The following GTF2E2 variants were observed in gnomAD, a reference collection of about 807,000 sequenced individuals.
The protein encoded by GTF2E2 is transcription initiation factor IIE subunit beta.
GTF2E2 carries 21 observed loss-of-function variants against 40.5 expected under a neutral mutation model. That is an observed-to-expected ratio of 0.52 (90% CI 0.37 to 0.75). The LOEUF is 0.75. Among genes scored for constraint, GTF2E2 ranks in the 30% least tolerant of loss-of-function variants. The pLI, the probability that GTF2E2 is intolerant of heterozygous loss-of-function variation, is 0.00. For synonymous variants in GTF2E2, 117 were observed against 121.6 expected, an observed-to-expected ratio of 0.96 and a Z score of 0.25; for missense variants, 298 against 338.4, an observed-to-expected ratio of 0.88 and a Z score of 0.94.
At chr8:30,598,127 T>C (rs1402751334) in intron 6 of GTF2E2, among the ~76,000 whole-genome samples, 1 of 152,234 alleles carries the variant, frequency 6.6e-6, no homozygotes, top group African/African-American at 2.4e-5. Context: ...AACTGTGTAC[T>C]TCTCTTTGTA....
chr8:30,608,943 G>A (rs116976253), intron 5 of GTF2E2, among the ~76,000 whole-genome samples: 1 of 152,052 alleles, frequency 6.6e-6, no homozygotes, highest in African/African-American at 2.4e-5. Context: ...TAGAGACAGC[G>A]TTTCACCATG....
intron 5 of GTF2E2, among the ~76,000 whole-genome samples, chr8:30,608,451 C>T (rs1829384385): frequency 1.3e-5 from 2 of 152,150 alleles, no homozygotes; most frequent in Admixed American, 6.5e-5. Context: ...CAGAAGTTTG[C>T]TGTGTTAAAT....
chr8:30,633,368 A>T (rs1044597817), intron 3 of GTF2E2, among the ~76,000 whole-genome samples: 29 of 152,320 alleles, frequency 1.9e-4, no homozygotes, highest in African/African-American at 6.3e-4. Context: ...ACTTTTAAAT[A>T]ATGACATTTA....
rs917369748 is a variant in GTF2E2, at chr8:30,630,828, T to C, written c.258+4204A>G. 2.0e-5 allele frequency among the ~76,000 whole-genome samples: 3 copies of C among 152,302 alleles called. 1 individual carries two copies. Among genetic ancestry groups the C allele is most frequent in the Admixed American group, 2.0e-4 (3 of 15,288 alleles). On this transcript the variant is annotated intron_variant, in intron 3 of 7. Coordinates refer to ENST00000355904, the MANE Select transcript of GTF2E2 (RefSeq NM_002095.6). ...TATTTTTCAAAGAGTTTAAAATATT[T>C]TGGCCCCTGCTGGAACATTCTAATC...
intron 5 of GTF2E2, among the ~76,000 whole-genome samples, chr8:30,610,026 A>T (rs1829437527): frequency 6.6e-6 from 1 of 152,140 alleles, no homozygotes. Flanking sequence ...TTTCTTTATA[A>T]ATTATCCAGT....
At chr8:30,603,209 T>G (rs1463746723) in intron 6 of GTF2E2, among the ~76,000 whole-genome samples, 1 of 152,078 alleles carries the variant, frequency 6.6e-6, no homozygotes, top group African/African-American at 2.4e-5. Context: ...ATTAATAAAC[T>G]GTAACAAAAA....
chr8:30,614,110 C>G (rs1585965776), intron 4 of GTF2E2, among the ~76,000 whole-genome samples: 1 of 152,294 alleles, frequency 6.6e-6, no homozygotes, highest in East Asian at 1.9e-4. Flanking sequence ...CGAATTGGTA[C>G]AATGACTTCT....
At chr8:30,649,171 G>A (rs1344332978) in intron 2 of GTF2E2, among the ~76,000 whole-genome samples, 2 of 151,844 alleles carry the variant, frequency 1.3e-5, no homozygotes, top group South Asian at 2.1e-4. Context: ...AAGAATGACA[G>A]GCCTACTTTG....
chr8:30,619,654 TG>T (rs1801028430), intron 3 of GTF2E2, among the ~76,000 whole-genome samples: 1 of 152,088 alleles, frequency 6.6e-6, no homozygotes, highest in African/African-American at 2.4e-5. Flanking sequence ...CCTATAGTGC[TG>T]GGATTACAGG....
At chr8:30,657,363 C>T (rs756784738) in intron 1 of GTF2E2, among the ~76,000 whole-genome samples, 1 of 152,158 alleles carries the variant, frequency 6.6e-6, no homozygotes, top group African/African-American at 2.4e-5. Context: ...ATTCTTGCCA[C>T]CATTCGACCT....
intron 6 of GTF2E2, among the ~76,000 whole-genome samples, chr8:30,596,492 A>C (rs1257471771): frequency 2.0e-5 from 3 of 152,114 alleles, no homozygotes; most frequent in Non-Finnish European, 2.9e-5. Context: ...ATCCTACCTG[A>C]CCATACAAGT....
intron 6 of GTF2E2, among the ~76,000 whole-genome samples, chr8:30,596,063 A>G (rs920111348): frequency 3.9e-5 from 6 of 152,080 alleles, no homozygotes; most frequent in Non-Finnish European, 8.8e-5. Context: ...ACTGCCTTCA[A>G]TATTTTCCAT....
At chr8:30,641,794 T>C (rs1303828097) in intron 2 of GTF2E2, among the ~76,000 whole-genome samples, 1 of 151,732 alleles carries the variant, frequency 6.6e-6, no homozygotes, top group Non-Finnish European at 1.5e-5. Context: ...GGAGAATCAC[T>C]TGAACCAGGA....
chr8:30,586,116 C>A (rs1026442248), intron 6 of GTF2E2, among the ~76,000 whole-genome samples: 1 of 152,166 alleles, frequency 6.6e-6, no homozygotes, highest in African/African-American at 2.4e-5. Flanking sequence ...AGAATCTCAA[C>A]GAGCAACACG....
chr8:30,649,183 T>G (rs1347315673), intron 2 of GTF2E2, among the ~76,000 whole-genome samples: 1 of 152,124 alleles, frequency 6.6e-6, no homozygotes, highest in Non-Finnish European at 1.5e-5. Flanking sequence ...CCTACTTTGA[T>G]TTTTAAAAAA....
Position 30,579,039 on chromosome 8 carries a change from TA to T in GTF2E2, c.760-3del. The T allele has an allele frequency of 6.7e-7, 1 of 1,492,030 alleles. No individual in the cohort carries two copies. Among genetic ancestry groups the T allele is most frequent in the Non-Finnish European group, 9.4e-7 (1 of 1,068,654 alleles). 92.4% of individuals were successfully genotyped at this position (1,492,030 alleles called of 1,614,324 possible). A position where few individuals can be genotyped will look rare whatever the true frequency, so the allele number is the denominator to read the frequency against. On this transcript the variant is annotated splice_polypyrimidine_tract_variant and splice_region_variant and intron_variant, in intron 7 of 7. Transcript: ENST00000355904. ...CTTTTTCCTTCTCTGAATAGGGGCC[TA>T]AAGGAAAAGGTAAAAACAATTAGAA...
At chr8:30,630,032 T>G (rs1015767359) in intron 3 of GTF2E2, among the ~76,000 whole-genome samples, 14 of 152,356 alleles carry the variant, frequency 9.2e-5, no homozygotes, top group Admixed American at 3.9e-4. Context: ...TCGAGATAAC[T>G]TGGAGTGCTT....
At chr8:30,600,688 C>T (rs905298684) in intron 6 of GTF2E2, among the ~76,000 whole-genome samples, 1 of 152,164 alleles carries the variant, frequency 6.6e-6, no homozygotes, top group Non-Finnish European at 1.5e-5. Flanking sequence ...TTTATACTAC[C>T]TTTAAATGAA....
chr8:30,596,377 A>G (rs994238402), intron 6 of GTF2E2, among the ~76,000 whole-genome samples: 10 of 152,168 alleles, frequency 6.6e-5, no homozygotes, highest in African/African-American at 2.4e-4. Context: ...GGCTACACCA[A>G]GTTTAATAAT....
Sources: allele counts gnomAD v4.1 joint callset (sites outside exome capture counted in the v4.1 genomes callset), GRCh38; gene constraint gnomAD v4.1.1; transcripts MANE v1.5; gene names NCBI Gene and HGNC (gene_info 2026-07-23, HGNC 2026-07-21).